F13A1: variants seen among roughly 807,000 people sequenced by gnomAD.
F13A1 encodes the protein FSF, A subunit.
Under a neutral mutation model 80.1 loss-of-function variants are expected in F13A1, and 47 were observed. The observed-to-expected ratio is 0.59, with a 90% CI of 0.46 to 0.75. F13A1 has a LOEUF of 0.75. Among genes scored for constraint, F13A1 ranks in the 30% least tolerant of loss-of-function variants. The pLI is 0.00. For synonymous variants in F13A1, 349 were observed against 344.9 expected (o/e 1.01, Z -0.13); for missense variants, 817 against 930.4 (o/e 0.88, Z 1.59).
intron 12 of F13A1, among the ~76,000 whole-genome samples, chr6:6,173,131 A>G (rs988225349): frequency 6.6e-6 from 1 of 152,148 alleles, no homozygotes; most frequent in Admixed American, 6.6e-5. Flanking sequence ...GTTTCTTCCA[A>G]TGGACTTGTG....
At position 6,295,588 on chromosome 6, in the gene F13A1, G is replaced by T. The variant is rs1308083528; in HGVS notation, c.319+9763C>A. 4.2e-5 allele frequency among the ~76,000 whole-genome samples: 6 copies of T among 143,272 alleles called. 1 individual carries two copies. The highest frequency in any genetic ancestry group is 2.0e-4 in the Admixed American group (3 of 14,680). 94.0% of individuals were successfully genotyped at this position (143,272 alleles called of 152,430 possible). A position where few individuals can be genotyped will look rare whatever the true frequency, so the allele number is the denominator to read the frequency against. ...ATATCCTTCGCCCACTTTTTGATGG[G>T]GTTGTTTGTTTTTTTCTTGTAAATT... On this transcript the variant is annotated intron_variant, in intron 3 of 14. Coordinates refer to ENST00000264870, the MANE Select transcript of F13A1 (RefSeq NM_000129.4).
intron 6 of F13A1, among the ~76,000 whole-genome samples, chr6:6,238,679 CTGAA>C (rs1757445187): frequency 6.8e-6 from 1 of 146,530 alleles, no homozygotes; most frequent in Non-Finnish European, 1.5e-5. Flanking sequence ...GTACAAATGA[CTGAA>C]TAAGAAAATC....
At chr6:6,164,255 G>C (rs867358888) in intron 13 of F13A1, among the ~76,000 whole-genome samples, 1 of 152,176 alleles carries the variant, frequency 6.6e-6, no homozygotes, top group Non-Finnish European at 1.5e-5. Flanking sequence ...AATACCGCAT[G>C]TTCTCACTTA....
In F13A1 at chr6:6,250,949, T is replaced by G; in HGVS notation, c.572-20A>C. On this transcript the variant is annotated intron_variant, in intron 4 of 14. Transcript: ENST00000264870. This position sits in a 1 kb window ranked among gnomAD's most constrained non-coding sequence, Gnocchi z 4.2. ...CATCATCTGCATCAGGGTTTAAACA[T>G]AGTGACTATTACCAAACCAGACTGT... 1 of 1,483,116 alleles carries G rather than the reference T, an allele frequency of 6.7e-7. No individual in the cohort carries two copies. The highest frequency in any genetic ancestry group is 1.1e-5 in the South Asian group (1 of 88,630). The allele number at this position is 1,483,116 out of a possible 1,614,324, so 91.9% of individuals were successfully genotyped here. A position where few individuals can be genotyped will look rare whatever the true frequency, so the allele number is the denominator to read the frequency against.
intron 14 of F13A1, 61 bp from the exon 15 acceptor site, chr6:6,145,833 G>C: frequency 1.2e-6 from 2 of 1,611,004 alleles, no homozygotes; most frequent in Non-Finnish European, 1.7e-6. Context: ...TGATCAGGAA[G>C]CAATGAAAAC....
chr6:6,195,900 G>A lies in F13A1; in HGVS notation c.1217-15C>T. On this transcript the variant is annotated splice_polypyrimidine_tract_variant and intron_variant, in intron 9 of 14. Transcript: ENST00000264870. ...CCGATACATGCCTGCATTGCACAGA[G>A]GAAGGGCGGTGTGAGTTTGTCATCT... is the stretch of plus-strand genomic sequence containing the variant. 1 of 1,612,756 alleles carries A rather than the reference G, an allele frequency of 6.2e-7. No homozygotes were observed. The highest frequency in any genetic ancestry group is 8.5e-7 in the Non-Finnish European group (1 of 1,178,882).
rs2151085241 is a variant in F13A1, at chr6:6,206,073, TTATA to T, written c.1113-8751_1113-8748del. Reference sequence around the variant, plus strand: ...GTAAAAGTCTAATGTATAAAAAAGTTTATATAATAAATTCTGGACAAGTGTCTCC... The same window carrying T: ...GTAAAAGTCTAATGTATAAAAAAGTTTAATAAATTCTGGACAAGTGTCTCC... On this transcript the variant is annotated intron_variant, in intron 8 of 14. Coordinates refer to ENST00000264870, the MANE Select transcript of F13A1 (RefSeq NM_000129.4). Among the ~76,000 whole-genome samples, 2 of 152,310 alleles carry T rather than the reference TTATA, an allele frequency of 1.3e-5. 1 individual carries two copies. The highest frequency in any genetic ancestry group is 4.1e-4 in the South Asian group (2 of 4,822).
intron 3 of F13A1, among the ~76,000 whole-genome samples, chr6:6,278,509 G>A (rs1174988607): frequency 6.6e-6 from 1 of 152,232 alleles, no homozygotes; most frequent in Non-Finnish European, 1.5e-5. Flanking sequence ...GAAACTGTGG[G>A]AGGTGAGGTA....
chr6:6,159,924 G>C (rs1031021808), intron 13 of F13A1, among the ~76,000 whole-genome samples: 1 of 152,080 alleles, frequency 6.6e-6, no homozygotes, highest in African/African-American at 2.4e-5. Flanking sequence ...TTCCAGGTGG[G>C]CCAGTGCTGA....
At chr6:6,159,758 G>A (rs1260292401) in intron 13 of F13A1, among the ~76,000 whole-genome samples, 2 of 152,072 alleles carry the variant, frequency 1.3e-5, no homozygotes, top group South Asian at 2.1e-4. Context: ...AATCAGTGCT[G>A]GTCATGCAGA....
chr6:6,206,878 A>T (rs1761498601), intron 8 of F13A1, among the ~76,000 whole-genome samples: 1 of 150,814 alleles, frequency 6.6e-6, no homozygotes. Flanking sequence ...ATATTCTTAC[A>T]AAATGTAAAG....
intron 6 of F13A1, among the ~76,000 whole-genome samples, chr6:6,236,998 G>T (rs1219548436): frequency 6.6e-6 from 1 of 152,126 alleles, no homozygotes; most frequent in East Asian, 1.9e-4. Context: ...ACATGCTAGG[G>T]TTTTGCAAAA....
chr6:6,164,690 C>T (rs55734876), intron 13 of F13A1, among the ~76,000 whole-genome samples: 36,228 of 148,320 alleles, frequency 0.24, 4,712 homozygotes, highest in Non-Finnish European at 0.29. Context: ...TTGTCCCTTC[C>T]TCTTCTCTTC....
At chr6:6,185,955 C>T (rs1761073592) in intron 10 of F13A1, among the ~76,000 whole-genome samples, 1 of 149,958 alleles carries the variant, frequency 6.7e-6, no homozygotes, top group African/African-American at 2.4e-5. Flanking sequence ...TTTTGATTTG[C>T]ATTTCTCTGA....
At chr6:6,269,511 G>C (rs537463764) in intron 3 of F13A1, among the ~76,000 whole-genome samples, 1 of 151,858 alleles carries the variant, frequency 6.6e-6, no homozygotes, top group Non-Finnish European at 1.5e-5. Flanking sequence ...AAAAAAAAAG[G>C]GTTGCCATTT....
chr6:6,161,975 G>A (rs1413902818), intron 13 of F13A1, among the ~76,000 whole-genome samples: 2 of 152,132 alleles, frequency 1.3e-5, no homozygotes, highest in Non-Finnish European at 2.9e-5. Context: ...AAGAACAGCT[G>A]GAAACTAGCT....
chr6:6,189,713 CT>C (rs1292182296), intron 10 of F13A1, among the ~76,000 whole-genome samples: 1 of 146,608 alleles, frequency 6.8e-6, no homozygotes, highest in East Asian at 2.0e-4. Flanking sequence ...TGGAGTTGCT[CT>C]TCTCGAGGAG....
intron 10 of F13A1, among the ~76,000 whole-genome samples, chr6:6,193,649 C>G (rs1222028825): frequency 6.6e-6 from 1 of 152,216 alleles, no homozygotes; most frequent in Non-Finnish European, 1.5e-5. Context: ...ACATTCATAA[C>G]ACCCCGATCT....
intron 6 of F13A1, among the ~76,000 whole-genome samples, chr6:6,242,073 C>T (rs1371174343): frequency 1.3e-5 from 2 of 152,060 alleles, no homozygotes; most frequent in Non-Finnish European, 2.9e-5. Context: ...TTTCTAAATA[C>T]TGGGACAAAA....
Sources: gnomAD v4.1 joint callset for allele counts (sites outside exome capture counted in the v4.1 genomes callset) on GRCh38, gnomAD v4.1.1 for gene constraint, Gnocchi (gnomAD v3.1) non-coding constraint, MANE v1.5 for transcripts, NCBI Gene and HGNC (gene_info 2026-07-23, HGNC 2026-07-21) for gene names.